Variants in BRINP3 observed in about 807,000 individuals in gnomAD.
BRINP3 encodes BMP/retinoic acid-inducible neural-specific protein 3.
BRINP3 carries 19 observed loss-of-function variants against 71.0 expected under a neutral mutation model. That is an observed-to-expected ratio of 0.27 (90% confidence interval 0.19 to 0.39). BRINP3 has a LOEUF of 0.39. Ranked by LOEUF, BRINP3 falls within the 10% of genes least tolerant of loss-of-function variation. BRINP3 has a pLI of 1.00. For missense variants in BRINP3, 959 were observed against 940.8 expected (o/e 1.02, Z -0.25); for synonymous variants, 380 against 337.7 (o/e 1.13, Z -1.37).
intron 2 of BRINP3, among the ~76,000 whole-genome samples, chr1:190,396,715 T>G (rs1282693383): frequency 4.4e-5 from 6 of 135,222 alleles, no homozygotes; most frequent in Non-Finnish European, 9.7e-5. Flanking sequence ...AATTTAATGA[T>G]ATATATATAT....
intron 6 of BRINP3, among the ~76,000 whole-genome samples, chr1:190,161,972 ATTCATGAACATT>A (rs1261957268): frequency 1.3e-5 from 2 of 152,158 alleles, no homozygotes; most frequent in Non-Finnish European, 2.9e-5. Flanking sequence ...AGTGAATTAT[ATTCATGAACATT>A]GGGTTTATTT....
intron 2 of BRINP3, among the ~76,000 whole-genome samples, chr1:190,350,334 C>T (rs916913741): frequency 6.6e-6 from 1 of 152,064 alleles, no homozygotes; most frequent in Non-Finnish European, 1.5e-5. Flanking sequence ...ATGCTGATGA[C>T]TTAGATTCCC....
At chr1:190,472,190 G>A (rs967728097) in intron 1 of BRINP3, among the ~76,000 whole-genome samples, 13 of 151,512 alleles carry the variant, frequency 8.6e-5, no homozygotes, top group African/African-American at 3.1e-4. Context: ...TCTGAGGTAG[G>A]CATTGTTTCC....
intron 2 of BRINP3, among the ~76,000 whole-genome samples, chr1:190,305,105 A>G (rs183828555): frequency 2.2e-4 from 33 of 152,096 alleles, no homozygotes; most frequent in Middle Eastern, 3.4e-3. Flanking sequence ...TAAAAAATAA[A>G]AAAATAAAAA....
At chr1:190,399,904 G>A (rs749131947) in intron 2 of BRINP3, among the ~76,000 whole-genome samples, 7 of 151,904 alleles carry the variant, frequency 4.6e-5, no homozygotes, top group Non-Finnish European at 5.9e-5. Flanking sequence ...CTATTTAAGT[G>A]GAGATCTTAA....
intron 7 of BRINP3, among the ~76,000 whole-genome samples, chr1:190,148,424 T>A (rs963399374): frequency 1.7e-4 from 25 of 151,506 alleles, no homozygotes; most frequent in African/African-American, 5.8e-4. Context: ...AAACCCCATC[T>A]CTACTAAAAA....
At chr1:190,162,195 A>ATTTTT (rs200789147) in intron 6 of BRINP3, among the ~76,000 whole-genome samples, 17 of 144,536 alleles carry the variant, frequency 1.2e-4, no homozygotes, top group African/African-American at 4.3e-4. Flanking sequence ...TAATAGATGC[A>ATTTTT]TTTTTTTTTT....
chr1:190,286,450 A>G (rs1299907591), intron 2 of BRINP3, among the ~76,000 whole-genome samples: 1 of 152,156 alleles, frequency 6.6e-6, no homozygotes, highest in East Asian at 1.9e-4. Flanking sequence ...CTTTAAAAGT[A>G]CACACATATG....
chr1:190,476,567 A>C (rs533047754), intron 1 of BRINP3, among the ~76,000 whole-genome samples: 54 of 152,306 alleles, frequency 3.5e-4, no homozygotes, highest in African/African-American at 1.1e-3. Flanking sequence ...ATAAAAGCAA[A>C]AGGCACTGAC....
intron 7 of BRINP3, among the ~76,000 whole-genome samples, chr1:190,108,917 C>A (rs1407586486): frequency 1.3e-5 from 2 of 151,852 alleles, no homozygotes; most frequent in African/African-American, 2.4e-5. Context: ...CAAATGAGAG[C>A]CTTTTATCAG....
At chr1:190,452,832 T>G (rs1675709649) in intron 2 of BRINP3, among the ~76,000 whole-genome samples, 1 of 151,938 alleles carries the variant, frequency 6.6e-6, no homozygotes, top group Admixed American at 6.6e-5. Flanking sequence ...ACTCCAGCCT[T>G]GGTGGCAGAA....
At chr1:190,166,148 G>A (rs546659013) in intron 6 of BRINP3, among the ~76,000 whole-genome samples, 5 of 152,102 alleles carry the variant, frequency 3.3e-5, no homozygotes, top group South Asian at 4.1e-4. Flanking sequence ...GAGTTTATAC[G>A]GAAACTGACA....
At chr1:190,206,114 C>T (rs1199592626) in intron 6 of BRINP3, among the ~76,000 whole-genome samples, 1 of 151,942 alleles carries the variant, frequency 6.6e-6, no homozygotes, top group Non-Finnish European at 1.5e-5. Flanking sequence ...GCCAGTACAC[C>T]GTTGCCAAAT....
At chr1:190,185,468 G>A (rs1178324119) in intron 6 of BRINP3, among the ~76,000 whole-genome samples, 1 of 151,884 alleles carries the variant, frequency 6.6e-6, no homozygotes, top group Non-Finnish European at 1.5e-5. Flanking sequence ...AGAACAAGAA[G>A]TCACAAACCC....
intron 2 of BRINP3, among the ~76,000 whole-genome samples, chr1:190,360,314 G>A (rs1669055826): frequency 6.6e-6 from 1 of 152,082 alleles, no homozygotes; most frequent in African/African-American, 2.4e-5. Context: ...TATTGAAAGG[G>A]GATATTGTTA....
At chr1:190,428,555 G>A (rs141551461) in intron 2 of BRINP3, among the ~76,000 whole-genome samples, 2,343 of 151,956 alleles carry the variant, frequency 0.015, 62 homozygotes, top group African/African-American at 0.053. Flanking sequence ...AAAACATTGT[G>A]CAATCAAGAT....
intron 6 of BRINP3, among the ~76,000 whole-genome samples, chr1:190,192,494 G>GC (rs1172310652): frequency 6.6e-6 from 1 of 151,504 alleles, no homozygotes; most frequent in Non-Finnish European, 1.5e-5. Context: ...ACCAGCATGT[G>GC]CCAACATGTC....
At chr1:190,259,493 A>G (rs1258801666) in intron 4 of BRINP3, among the ~76,000 whole-genome samples, 2 of 151,850 alleles carry the variant, frequency 1.3e-5, no homozygotes, top group South Asian at 2.1e-4. Context: ...TCCATGTATT[A>G]AAGAGCATGT....
At chr1:190,217,293 T>C (rs774517609) in intron 6 of BRINP3, among the ~76,000 whole-genome samples, 7 of 151,960 alleles carry the variant, frequency 4.6e-5, no homozygotes, top group Non-Finnish European at 5.9e-5. Context: ...AGAATTATTT[T>C]CCCAATGTAA....
Sources: gnomAD v4.1 joint callset for allele counts (sites outside exome capture counted in the v4.1 genomes callset) on GRCh38, gnomAD v4.1.1 for gene constraint, MANE v1.5 for transcripts, NCBI Gene and HGNC (gene_info 2026-07-23, HGNC 2026-07-21) for gene names.